The following TMEM132B variants were observed in gnomAD, a reference collection of about 807,000 sequenced individuals.
TMEM132B encodes the protein transmembrane protein 132B.
In TMEM132B, 18 loss-of-function variants were observed where a neutral mutation model predicts 90.8. The ratio of observed to expected loss-of-function variants is 0.20; its 90% CI spans 0.14 to 0.29. The LOEUF is 0.29. TMEM132B is among the 10% of genes least tolerant of loss of function. The probability of loss-of-function intolerance (pLI) is 1.00; values close to 1 mark genes in which losing one functional copy is unlikely to be tolerated. For synonymous variants in TMEM132B, 504 were observed against 523.3 expected (o/e 0.96, Z 0.50); for missense variants, 1,096 against 1,326.8 (o/e 0.83, Z 2.70).
At chr12:125,579,333 C>T (rs1271027195) in intron 4 of TMEM132B, among the ~76,000 whole-genome samples, 1 of 150,112 alleles carries the variant, frequency 6.7e-6, no homozygotes, top group East Asian at 1.9e-4. Context: ...TTGATATTCT[C>T]TCTTTGGTGA....
At chr12:125,330,458 T>C (rs752599201) in intron 1 of TMEM132B, among the ~76,000 whole-genome samples, 2 of 149,772 alleles carry the variant, frequency 1.3e-5, no homozygotes, top group Non-Finnish European at 3.0e-5. Flanking sequence ...ATGGAAACAA[T>C]AGACAAATGA....
At chr12:125,602,720 G>T (rs572984958) in intron 5 of TMEM132B, among the ~76,000 whole-genome samples, 57 of 152,110 alleles carry the variant, frequency 3.7e-4, no homozygotes, top group Non-Finnish European at 7.8e-4. Context: ...GAAAACCCCA[G>T]CATCTCAGCC....
At chr12:125,400,150 G>GT (rs1197405537) in intron 2 of TMEM132B, among the ~76,000 whole-genome samples, 1 of 152,224 alleles carries the variant, frequency 6.6e-6, no homozygotes, top group Non-Finnish European at 1.5e-5. Context: ...CAAGGCAGCT[G>GT]TTATAGTAGA....
At chr12:125,302,604 A>C (rs900777529) in intron 1 of TMEM132B, among the ~76,000 whole-genome samples, 1 of 152,082 alleles carries the variant, frequency 6.6e-6, no homozygotes, top group Non-Finnish European at 1.5e-5. Flanking sequence ...CTGGGATGGG[A>C]CTCTGGATTT....
At chr12:125,577,506 CTAA>C (rs1339400185) in intron 4 of TMEM132B, among the ~76,000 whole-genome samples, 2 of 149,312 alleles carry the variant, frequency 1.3e-5, no homozygotes, top group Middle Eastern at 3.2e-3. Context: ...AATATAATAT[CTAA>C]TAATATTCAA....
intron 3 of TMEM132B, among the ~76,000 whole-genome samples, chr12:125,494,811 GGCTGCATCCCTCCTC>G (rs1882494177): frequency 4.1e-5 from 1 of 24,616 alleles, no homozygotes; most frequent in Non-Finnish European, 6.8e-5. Flanking sequence ...CCCTGGAAAT[GGCTGCATCCCTCCTC>G]CCCCTCCTCC....
In TMEM132B at chr12:125,433,946, T is replaced by C. The variant is rs968810021; in HGVS notation, c.1106+18269T>C. On this transcript the variant is annotated intron_variant, in intron 3 of 8. Coordinates refer to ENST00000682704, the MANE Select transcript of TMEM132B (RefSeq NM_001366854.1). ...TTGAGTATTACATATGAGATATTTG[T>C]GGGTGTATTAGTTTCCTATTGCTGA... Among the ~76,000 whole-genome samples the C allele has an allele frequency of 2.0e-5, 3 of 152,276 alleles. No individual in the cohort carries two copies. In the South Asian group the frequency reaches 6.2e-4, roughly 32 times the overall value.
Position 125,490,873 on chromosome 12 carries a change from C to A in TMEM132B, c.1107-28566C>A, listed in dbSNP as rs1882333587. On this transcript the variant is annotated intron_variant, in intron 3 of 8. Transcript: ENST00000682704. The surrounding 1 kb of genome is among the most constrained non-coding windows in gnomAD (Gnocchi z 4.2). ...AAAGACTAGGTCTCAAAAAGCATTGCACTTTCTTCCTTGCTGTTTCTTGGA... is the reference window on the plus strand; with the variant it reads ...AAAGACTAGGTCTCAAAAAGCATTGAACTTTCTTCCTTGCTGTTTCTTGGA... Among the ~76,000 whole-genome samples, 1 of 152,214 alleles carries A rather than the reference C, an allele frequency of 6.6e-6. No homozygotes were observed. The highest frequency in any genetic ancestry group is 2.4e-5 in the African/African-American group (1 of 41,452).
intron 3 of TMEM132B, among the ~76,000 whole-genome samples, chr12:125,491,084 G>T (rs1189765135): frequency 6.6e-6 from 1 of 152,060 alleles, no homozygotes; most frequent in East Asian, 1.9e-4. Flanking sequence ...CAGCTTGACT[G>T]CAACTTCATG....
rs1740081061 is a variant in TMEM132B, at chr12:125,277,185, G to A, written c.68-72267G>A. Among the ~76,000 whole-genome samples, 1 of 152,094 alleles carries A rather than the reference G, an allele frequency of 6.6e-6. No individual in the cohort carries two copies. The highest frequency in any genetic ancestry group is 2.4e-5 in the African/African-American group (1 of 41,426). ...TCCCATATGACTGGTGTCCTTAGAT[G>A]AAGAGGGAGAACAGGCCGGGCACGA... On this transcript the variant is annotated intron_variant, in intron 1 of 8. Coordinates refer to ENST00000682704, the MANE Select transcript of TMEM132B (RefSeq NM_001366854.1). The surrounding 1 kb of genome is among the most constrained non-coding windows in gnomAD (Gnocchi z 4.3).
At chr12:125,626,599 G>A (rs1185125093) in intron 5 of TMEM132B, among the ~76,000 whole-genome samples, 4 of 151,794 alleles carry the variant, frequency 2.6e-5, no homozygotes, top group African/African-American at 9.7e-5. Context: ...TATTTATTTC[G>A]GAATCTTCAT....
intron 3 of TMEM132B, among the ~76,000 whole-genome samples, chr12:125,485,897 C>A (rs944393059): frequency 3.3e-5 from 5 of 152,172 alleles, no homozygotes; most frequent in African/African-American, 1.2e-4. Flanking sequence ...ACCTCGATGT[C>A]TTTTTCTTTT....
chr12:125,621,580 C>T (rs1244967532), intron 5 of TMEM132B, among the ~76,000 whole-genome samples: 1 of 152,094 alleles, frequency 6.6e-6, no homozygotes, highest in Non-Finnish European at 1.5e-5. Flanking sequence ...AGCATGTGGT[C>T]ATAGTAGACA....
At chr12:125,552,683 T>A (rs1175368474) in intron 4 of TMEM132B, among the ~76,000 whole-genome samples, 1 of 152,264 alleles carries the variant, frequency 6.6e-6, no homozygotes, top group East Asian at 1.9e-4. Context: ...TCTGTAAGAT[T>A]CATTGTATCA....
intron 1 of TMEM132B, among the ~76,000 whole-genome samples, chr12:125,324,199 A>G (rs983182877): frequency 3.9e-5 from 6 of 152,220 alleles, no homozygotes; most frequent in Non-Finnish European, 8.8e-5. Context: ...CGTGCGTTTG[A>G]ATAATAATTC....
chr12:125,290,636 T>C (rs1387869626), intron 1 of TMEM132B, among the ~76,000 whole-genome samples: 1 of 152,252 alleles, frequency 6.6e-6, no homozygotes, highest in African/African-American at 2.4e-5. Context: ...TATATTGCTG[T>C]AGTTTATTTC....
At chr12:125,263,158 A>G (rs1257008720) in intron 1 of TMEM132B, among the ~76,000 whole-genome samples, 1 of 152,214 alleles carries the variant, frequency 6.6e-6, no homozygotes, top group Non-Finnish European at 1.5e-5. Flanking sequence ...TGTGGGGACA[A>G]TGATCTCCTG....
At chr12:125,516,272 A>G (rs749388636) in intron 3 of TMEM132B, among the ~76,000 whole-genome samples, 2 of 152,224 alleles carry the variant, frequency 1.3e-5, no homozygotes, top group African/African-American at 2.4e-5. Flanking sequence ...GATTCCTGAA[A>G]GGCGGTTGTA....
rs1877505832 is a variant in TMEM132B, at chr12:125,350,020, A to G, written c.636A>G (p.Pro212=). The change falls in exon 2 of 9, where the codon CCA becomes CCG. Residue 212 remains proline (P), a synonymous_variant. Transcript: ENST00000682704. ...ACCTGGAACCAGAGGAGGAGATCCC[A>G]GCCCTGCTCGGGGGCACCACGATGG... ...GLDLEPEEEI[P]ALLGGTTMEL... 1 of 1,614,112 alleles carries G rather than the reference A, an allele frequency of 6.2e-7. No individual in the cohort carries two copies. The highest frequency in any genetic ancestry group is 1.1e-5 in the South Asian group (1 of 91,092).
Sources: allele counts gnomAD v4.1 joint callset (sites outside exome capture counted in the v4.1 genomes callset), GRCh38; gene constraint gnomAD v4.1.1; non-coding constraint Gnocchi (gnomAD v3.1); transcripts MANE v1.5; gene names NCBI Gene and HGNC (gene_info 2026-07-23, HGNC 2026-07-21).